The following TDRD9 variants were observed in gnomAD, a reference collection of about 807,000 sequenced individuals.
The protein encoded by TDRD9 is ATP-dependent RNA helicase TDRD9.
In TDRD9, 124 loss-of-function variants were observed where a neutral mutation model predicts 172.6. That is an observed-to-expected ratio of 0.72 (90% CI 0.62 to 0.83). The LOEUF (loss-of-function observed/expected upper bound fraction) is 0.83. Among genes scored for constraint, TDRD9 ranks in the 40% least tolerant of loss-of-function variants. The pLI, the probability that TDRD9 is intolerant of heterozygous loss-of-function variation, is 0.00. For missense variants in TDRD9, 1,479 were observed against 1,714.1 expected (o/e 0.86, Z 2.42); for synonymous variants, 619 against 617.1 (o/e 1.00, Z -0.05).
At chr14:104,034,746 A>G (rs1472213521) in intron 31 of TDRD9, among the ~76,000 whole-genome samples, 1 of 152,224 alleles carries the variant, frequency 6.6e-6, no homozygotes, top group Non-Finnish European at 1.5e-5. Flanking sequence ...CAAGTGGGGT[A>G]AAAGCTTACG....
At chr14:103,942,304 T>C in intron 1 of TDRD9, 1 of 152,300 alleles carries the variant, frequency 6.6e-6, no homozygotes, top group Admixed American at 6.5e-5. Context: ...AGAATGCTCA[T>C]TAATTCACCT....
intron 1 of TDRD9, among the ~76,000 whole-genome samples, chr14:103,947,360 C>T (rs181934531): frequency 0.023 from 3,448 of 151,308 alleles, 75 homozygotes; most frequent in East Asian, 0.071. Flanking sequence ...GATGGAGTCT[C>T]TCTCTGTCGC....
chr14:103,969,543 C>T (rs1595928413), intron 5 of TDRD9, among the ~76,000 whole-genome samples: 1 of 152,274 alleles, frequency 6.6e-6, no homozygotes, highest in East Asian at 1.9e-4. Flanking sequence ...TTTCTCTATG[C>T]TACTTCTCTA....
At position 103,996,838 on chromosome 14, in the gene TDRD9, T is replaced by C. The variant is rs117869380; in HGVS notation, c.1378+1031T>C. 1.4e-4 allele frequency among the ~76,000 whole-genome samples: 22 copies of C among 152,118 alleles called. No homozygotes were observed. In the East Asian group the frequency reaches 3.7e-3, roughly 25 times the overall value. Reference sequence around the variant, plus strand: ...GGTAGGGAGTGTCAGGGAAGCACCATTGAGATTGCAGGTGGAGTGATCAGG... The same window carrying C: ...GGTAGGGAGTGTCAGGGAAGCACCACTGAGATTGCAGGTGGAGTGATCAGG... On this transcript the variant is annotated intron_variant, in intron 12 of 35. Transcript: ENST00000409874.
chr14:104,012,226 G>A (rs2034635794), intron 20 of TDRD9, among the ~76,000 whole-genome samples: 2 of 152,232 alleles, frequency 1.3e-5, no homozygotes, highest in East Asian at 3.9e-4. Context: ...GAACTCTTTT[G>A]TGTGGCCCAA....
intron 32 of TDRD9, among the ~76,000 whole-genome samples, chr14:104,038,049 A>G (rs555410651): frequency 1.3e-5 from 2 of 152,286 alleles, no homozygotes; most frequent in East Asian, 1.9e-4. Context: ...TGTAGTGACA[A>G]GAACACTGTA....
At chr14:103,938,586 C>T (rs912492726) in intron 1 of TDRD9, among the ~76,000 whole-genome samples, 4 of 151,118 alleles carry the variant, frequency 2.6e-5, no homozygotes, top group African/African-American at 9.7e-5. Flanking sequence ...CTACAGGCGC[C>T]AGCTACCATG....
rs1052657057 is a variant in TDRD9 at position 103,933,802 on chromosome 14, G to A, written c.215+5078G>A. 3.9e-5 allele frequency among the ~76,000 whole-genome samples: 6 copies of A among 152,328 alleles called. No individual in the cohort carries two copies. The East Asian group carries it at 7.7e-4, about 20-fold the overall frequency. On this transcript the variant is annotated intron_variant, in intron 1 of 35. Coordinates refer to ENST00000409874, the MANE Select transcript of TDRD9 (RefSeq NM_153046.3). ...TGTCAGGTGACACAGGAAATGAGCC[G>A]TCTCGGCCCTTCTGACAGATGGGGG...
intron 1 of TDRD9, chr14:103,941,793 G>T: frequency 1.1e-6 from 1 of 932,286 alleles, no homozygotes; most frequent in Non-Finnish European, 1.5e-6. Flanking sequence ...TGCCCGAAAA[G>T]TGCACGATTT....
At chr14:103,987,923 C>A (rs767401210) in intron 8 of TDRD9, among the ~76,000 whole-genome samples, 15 of 152,088 alleles carry the variant, frequency 9.9e-5, no homozygotes, top group Non-Finnish European at 1.8e-4. Context: ...TATTTTGGTT[C>A]TCTGTTGCTA....
chr14:104,045,791 ACTTGCCCCTCTG>A (rs1306167936), intron 34 of TDRD9, among the ~76,000 whole-genome samples: 1 of 152,102 alleles, frequency 6.6e-6, no homozygotes, highest in Non-Finnish European at 1.5e-5. Flanking sequence ...TCAAGTACTC[ACTTGCCCCTCTG>A]CCATGTCATG....
chr14:104,031,446 G>T (rs920874010), intron 29 of TDRD9, among the ~76,000 whole-genome samples, 183 bp downstream of exon 29: 4 of 144,118 alleles, frequency 2.8e-5, no homozygotes, highest in Admixed American at 6.9e-5. Flanking sequence ...GTTTAGTGGG[G>T]TTTAGAGAGA....
chr14:104,049,319 A>G (rs1358152230), intron 34 of TDRD9: 1 of 183,412 alleles, frequency 5.5e-6, no homozygotes, highest in Non-Finnish European at 1.1e-5. Context: ...GTCCTGTTAC[A>G]TTTCAGAGAA....
rs201791523 is a variant in TDRD9 at position 104,026,842 on chromosome 14, T to C, written c.3185T>C (p.Val1062Ala). ...SVVHSVLHVD[V>A]YQYSGVQDAI... ...GTGCACAGCGTCCTGCACGTGGATGTGTACCAGTACTCAGGGGTCCAGGAT... is the reference window on the plus strand; with the variant it reads ...GTGCACAGCGTCCTGCACGTGGATGCGTACCAGTACTCAGGGGTCCAGGAT... The change falls in exon 28 of 36, where the codon GTG (valine) becomes GCG (alanine). Residue 1062 changes from valine to alanine, a missense_variant. Val to Ala is a moderately conservative substitution (Grantham distance 64, BLOSUM62 0). Around this residue, in one of 3 missense-constraint regions of TDRD9, gnomAD observed 1,413 missense variants for 1,649.1 expected, o/e 0.86. Transcript: ENST00000409874. The C allele has an allele frequency of 1.5e-5, 24 of 1,613,930 alleles. No homozygotes were observed. Among genetic ancestry groups the C allele is most frequent in the African/African-American group, 5.3e-5 (4 of 74,936 alleles).
chr14:104,026,572 A>G, intron 27 of TDRD9, 107 bp from the exon 28 acceptor site: 2 of 1,313,244 alleles, frequency 1.5e-6, no homozygotes, highest in South Asian at 1.4e-5. Context: ...GACTTTTATG[A>G]GAATATTATT....
At chr14:103,962,755 A>T (rs2032564431) in intron 2 of TDRD9, among the ~76,000 whole-genome samples, 1 of 152,014 alleles carries the variant, frequency 6.6e-6, no homozygotes, top group Non-Finnish European at 1.5e-5. Flanking sequence ...TTCTGTGTTA[A>T]TTTGCTTAGA....
Position 103,966,803 on chromosome 14 carries a change from T to C in TDRD9, c.737T>C (p.Met246Thr), listed in dbSNP as rs982267637. The C allele has an allele frequency of 1.3e-6, 2 of 1,551,206 alleles. No individual in the cohort carries two copies. Among genetic ancestry groups the C allele is most frequent in the African/African-American group, 2.7e-5 (2 of 73,160 alleles). Reference protein sequence around the residue: ...LQKIVSAKSLMEFTHIIIDEV... With the variant: ...LQKIVSAKSLTEFTHIIIDEV... Reference sequence around the variant, plus strand: ...AAAATAGTTAGTGCCAAGAGTTTGATGGAATTCACACATATCATCATTGAT... The same window carrying C: ...AAAATAGTTAGTGCCAAGAGTTTGACGGAATTCACACATATCATCATTGAT... Residue 246 changes from methionine (M) to threonine (T), a missense_variant, in exon 5 of 36, where the codon ATG becomes ACG. By Grantham distance (81) the Met-to-Thr change is moderately conservative (BLOSUM62 -1). This residue lies in a region of TDRD9 where 1,413 missense variants were observed against 1,649.1 expected (regional missense o/e 0.86). Transcript: ENST00000409874.
intron 31 of TDRD9, 111 bp downstream of exon 31, chr14:104,034,180 ATTCTTTTTTT>A (rs1385035529): frequency 4.6e-4 from 160 of 345,172 alleles, no homozygotes; most frequent in Middle Eastern, 7.7e-4. Context: ...ACTATGTACT[ATTCTTTTTTT>A]TTCTTTTTTT....
chr14:104,043,821 A>G (rs917481974), intron 34 of TDRD9, among the ~76,000 whole-genome samples: 4 of 152,212 alleles, frequency 2.6e-5, no homozygotes, highest in African/African-American at 9.7e-5. Flanking sequence ...TCATCCAGAG[A>G]AGTTTACTCA....
Sources: allele counts gnomAD v4.1 joint callset (sites outside exome capture counted in the v4.1 genomes callset), GRCh38; gene constraint gnomAD v4.1.1; regional missense constraint gnomAD v4.1.1; transcripts MANE v1.5; gene names NCBI Gene and HGNC (gene_info 2026-07-23, HGNC 2026-07-21).